SMG6: variants seen among roughly 807,000 people sequenced by gnomAD.
SMG6 encodes the protein SMG6 nonsense mediated mRNA decay factor, also known as telomerase-binding protein EST1A.
Under a neutral mutation model 142.2 loss-of-function variants are expected in SMG6, and 66 were observed. That is an observed-to-expected ratio of 0.46 (90% CI 0.38 to 0.57). The LOEUF (loss-of-function observed/expected upper bound fraction) is 0.57, where lower values mean the gene tolerates loss of function less well. Ranked by LOEUF, SMG6 falls within the 20% of genes least tolerant of loss-of-function variation. The pLI, the probability that SMG6 is intolerant of heterozygous loss-of-function variation, is 0.00. For synonymous variants in SMG6, 779 were observed against 702.4 expected, an observed-to-expected ratio of 1.11 and a Z score of -1.72; for missense variants, 1,793 against 1,832.0, an observed-to-expected ratio of 0.98 and a Z score of 0.39.
intron 13 of SMG6, among the ~76,000 whole-genome samples, chr17:2,096,033 A>G (rs1013219906): frequency 6.6e-6 from 1 of 151,852 alleles, no homozygotes; most frequent in Non-Finnish European, 1.5e-5. Flanking sequence ...TCATTCCCTC[A>G]TCGTCTTTTA....
Position 2,085,888 on chromosome 17 carries a change from T to C in SMG6, c.3371A>G (p.Asp1124Gly). 2 of 1,614,034 alleles carry C rather than the reference T, an allele frequency of 1.2e-6. No homozygotes were observed. Among genetic ancestry groups the C allele is most frequent in the African/African-American group, 2.7e-5 (2 of 75,014 alleles). Residue 1124 changes from aspartate to glycine, a missense_variant, in exon 14 of 19, where the codon GAC becomes GGC. This residue lies in a region of SMG6 where 1,597 missense variants were observed against 1,584.6 expected (regional missense o/e 1.01). Coordinates refer to ENST00000263073, the MANE Select transcript of SMG6 (RefSeq NM_017575.5). This position sits in a 1 kb window ranked among gnomAD's most constrained non-coding sequence, Gnocchi z 4.1. ...CTTCAGCACTGTGACCCTTTTGCAG[T>C]CAGCTGCAATAACCTACAGGGTGAG... ...EKTSDKVIAA[D>G]CKRVTVLKYF... is the part of the protein sequence containing the mutation.
intron 13 of SMG6, among the ~76,000 whole-genome samples, chr17:2,136,868 T>G (rs2070321228): frequency 6.6e-6 from 1 of 152,078 alleles, no homozygotes; most frequent in Non-Finnish European, 1.5e-5. Context: ...TCCTGAAAGA[T>G]CAAATTAAGG....
intron 10 of SMG6, among the ~76,000 whole-genome samples, chr17:2,197,495 G>T (rs1230077571): frequency 6.6e-6 from 1 of 152,104 alleles, no homozygotes; most frequent in Admixed American, 6.5e-5. Flanking sequence ...GAGCCTGGGA[G>T]GTCAAGGCTG....
intron 8 of SMG6, among the ~76,000 whole-genome samples, chr17:2,253,689 T>C (rs2151318612): frequency 6.6e-6 from 1 of 152,268 alleles, no homozygotes; most frequent in African/African-American, 2.4e-5. Context: ...TTTTCAGTAT[T>C]TCTCCCAATG....
rs1428736053 is a variant in SMG6, at chr17:2,182,790, A to G, written c.3155+3873T>C. ...CTTGTTCTGAAACACACATAAATGC[A>G]TAACACAGAGCATGAAGGAGCTTTG... is the stretch of plus-strand genomic sequence containing the variant. On this transcript the variant is annotated intron_variant, in intron 12 of 18. Transcript: ENST00000263073. Among the ~76,000 whole-genome samples, 6 of 152,102 alleles carry G rather than the reference A, an allele frequency of 3.9e-5. No homozygotes were observed. The East Asian group carries it at 9.6e-4, about 24-fold the overall frequency.
Position 2,186,780 on chromosome 17 carries a change from G to A in SMG6, c.3038C>T (p.Ser1013Phe), listed in dbSNP as rs775313613. 1.2e-6 allele frequency: 2 copies of A among 1,614,248 alleles called. No homozygotes were observed. Among genetic ancestry groups the A allele is most frequent in the East Asian group, 2.2e-5 (1 of 44,880 alleles). Residue 1013 changes from serine (S) to phenylalanine (F), a missense_variant, in exon 12 of 19, where the codon TCT becomes TTT. Physicochemically the swap from Ser to Phe is radical, Grantham distance 155 (BLOSUM62 -2). Transcript: ENST00000263073. ...CTCCTTCAGGTCCGGGACAAAGGAAGACACCTTGATGTCGTCTTGGTCATC... is the reference window on the plus strand; with the variant it reads ...CTCCTTCAGGTCCGGGACAAAGGAAAACACCTTGATGTCGTCTTGGTCATC... ...DQDDQDDIKV[S>F]SFVPDLKELL... is the part of the protein sequence containing the mutation.
At chr17:2,087,219 C>G in intron 13 of SMG6, 2 of 1,290,224 alleles carry the variant, frequency 1.6e-6, no homozygotes, top group South Asian at 2.5e-5. Context: ...ACACAGTAGG[C>G]TCACAGTAAA....
chr17:2,201,330 AGATG>A (rs2072514389), intron 10 of SMG6, among the ~76,000 whole-genome samples: 1 of 151,296 alleles, frequency 6.6e-6, no homozygotes, highest in Admixed American at 6.6e-5. Context: ...ATAATAAAAC[AGATG>A]GATGAACAAT....
At chr17:2,176,191 T>C (rs928148846) in intron 12 of SMG6, among the ~76,000 whole-genome samples, 4 of 152,196 alleles carry the variant, frequency 2.6e-5, no homozygotes, top group African/African-American at 9.7e-5. Flanking sequence ...TGGGTGCACA[T>C]AGGATTTCCT....
chr17:2,184,831 G>A (rs1292313282), intron 12 of SMG6, among the ~76,000 whole-genome samples: 2 of 148,012 alleles, frequency 1.4e-5, no homozygotes, highest in African/African-American at 2.5e-5. Flanking sequence ...CGGGTGTGGT[G>A]GCAGGTGCCT....
At chr17:2,255,256 T>G (rs1353921901) in intron 8 of SMG6, among the ~76,000 whole-genome samples, 1 of 150,250 alleles carries the variant, frequency 6.7e-6, no homozygotes, top group African/African-American at 2.4e-5. Flanking sequence ...TACAAAAAAT[T>G]AGCCGGGCGT....
intron 8 of SMG6, among the ~76,000 whole-genome samples, chr17:2,272,267 C>A (rs540766265): frequency 6.6e-6 from 1 of 152,298 alleles, no homozygotes; most frequent in African/African-American, 2.4e-5. Context: ...CTATTTGGAA[C>A]ACTCTCTTCC....
chr17:2,128,325 C>A (rs2069973588), intron 13 of SMG6, among the ~76,000 whole-genome samples: 1 of 152,174 alleles, frequency 6.6e-6, no homozygotes, highest in Admixed American at 6.5e-5. Context: ...TAAAAAAAAT[C>A]ATTTCTTCAG....
At chr17:2,216,044 G>C (rs1476226555) in intron 10 of SMG6, 2 of 152,268 alleles carry the variant, frequency 1.3e-5, no homozygotes, top group African/African-American at 4.8e-5. Context: ...CCTCAGCCCT[G>C]AGTGCAGATG....
intron 10 of SMG6, among the ~76,000 whole-genome samples, chr17:2,228,597 A>G (rs1313764201): frequency 2.0e-5 from 3 of 151,730 alleles, no homozygotes; most frequent in South Asian, 4.2e-4. Flanking sequence ...TCCTGGCCTC[A>G]AGTGATCTGC....
chr17:2,112,529 AAATAAATAAAT>A (rs1567607224), intron 13 of SMG6, among the ~76,000 whole-genome samples: 3 of 5,840 alleles, frequency 5.1e-4, no homozygotes, highest in African/African-American at 4.7e-3. Flanking sequence ...AATAAAAAAT[AAATAAATAAAT>A]AAATAAATAA....
intron 10 of SMG6, among the ~76,000 whole-genome samples, chr17:2,226,504 G>A (rs1474130150): frequency 1.3e-5 from 2 of 151,636 alleles, no homozygotes; most frequent in African/African-American, 4.9e-5. Context: ...GCATGAACCC[G>A]GGAGGTGGAG....
chr17:2,125,938 G>T (rs2069860793), intron 13 of SMG6, among the ~76,000 whole-genome samples: 1 of 125,810 alleles, frequency 7.9e-6, no homozygotes, highest in Non-Finnish European at 1.6e-5. Flanking sequence ...GGGAGATGGA[G>T]TGAGAACCCA....
rs542911697 is a variant in SMG6 at position 2,238,691 on chromosome 17, G to A, written c.2724-2054C>T. Among the ~76,000 whole-genome samples, 9 of 152,186 alleles carry A rather than the reference G, an allele frequency of 5.9e-5. No homozygotes were observed. In the South Asian group the frequency reaches 8.3e-4, roughly 14 times the overall value. ...GTGTCACGTGGGACAGTTTTGCTTC[G>A]AAGCTGTGTCTGAGGAAGCCTCTTC... On this transcript the variant is annotated intron_variant, in intron 9 of 18. Transcript: ENST00000263073.
Sources: gnomAD v4.1 joint callset for allele counts (sites outside exome capture counted in the v4.1 genomes callset) on GRCh38, gnomAD v4.1.1 for gene constraint, gnomAD v4.1.1 regional missense constraint, Gnocchi (gnomAD v3.1) non-coding constraint, MANE v1.5 for transcripts, NCBI Gene and HGNC (gene_info 2026-07-23, HGNC 2026-07-21) for gene names.